Variants in RMDN2 observed in about 807,000 individuals in gnomAD.
The protein encoded by RMDN2 is regulator of microtubule dynamics 2.
In RMDN2, 61 loss-of-function variants were observed where a neutral mutation model predicts 52.8. The observed-to-expected ratio is 1.16, with a 90% CI of 0.94 to 1.43. The LOEUF is 1.43. RMDN2 is among the 40% of genes most tolerant of loss of function. The pLI is 0.00. For missense variants in RMDN2, 592 were observed against 475.3 expected (o/e 1.25, Z -2.28); for synonymous variants, 180 against 153.1 (o/e 1.18, Z -1.30).
At chr2:37,943,994 C>T (rs1011307264) in intron 2 of RMDN2, among the ~76,000 whole-genome samples, 1 of 152,042 alleles carries the variant, frequency 6.6e-6, no homozygotes, top group Non-Finnish European at 1.5e-5. Flanking sequence ...TTTTGTGTAA[C>T]TTCAGAGTTA....
At chr2:37,930,556 C>G (rs1178982768) in intron 2 of RMDN2, among the ~76,000 whole-genome samples, 1 of 152,152 alleles carries the variant, frequency 6.6e-6, no homozygotes, top group Non-Finnish European at 1.5e-5. Flanking sequence ...GGGCAGGGCG[C>G]AGGTGGGACA....
chr2:38,058,250 G>A (rs547393992), intron 10 of RMDN2, among the ~76,000 whole-genome samples: 3 of 152,218 alleles, frequency 2.0e-5, no homozygotes, highest in Non-Finnish European at 4.4e-5. Flanking sequence ...GCTAGGGAAG[G>A]GGGTGAAGGA....
At chr2:38,059,163 A>G (rs578043042) in intron 10 of RMDN2, among the ~76,000 whole-genome samples, 1 of 152,362 alleles carries the variant, frequency 6.6e-6, no homozygotes, top group East Asian at 1.9e-4. Flanking sequence ...TGTGGCTTCC[A>G]AGCACCTGAA....
At chr2:38,058,676 G>A (rs1015686187) in intron 10 of RMDN2, among the ~76,000 whole-genome samples, 1 of 152,130 alleles carries the variant, frequency 6.6e-6, no homozygotes, top group Non-Finnish European at 1.5e-5. Flanking sequence ...TTTTATCAAG[G>A]TGTTCGTTTT....
intron 2 of RMDN2, among the ~76,000 whole-genome samples, chr2:37,959,825 GC>G (rs1669968554): frequency 6.6e-6 from 1 of 151,042 alleles, no homozygotes; most frequent in Non-Finnish European, 1.5e-5. Flanking sequence ...CGTTAGCTGT[GC>G]CCCAGAGATT....
intron 2 of RMDN2, among the ~76,000 whole-genome samples, chr2:37,968,484 G>C (rs1221637043): frequency 6.7e-6 from 1 of 148,186 alleles, no homozygotes; most frequent in Non-Finnish European, 1.5e-5. Context: ...TTGTTTACTT[G>C]ATGTTTTCAT....
At chr2:38,022,438 G>C (rs532718664), downstream of RMDN2, among the ~76,000 whole-genome samples, 1 of 152,270 alleles carries the variant, frequency 6.6e-6, no homozygotes, top group Admixed American at 6.5e-5. Flanking sequence ...GTTCCTGCTA[G>C]ATCACGAAGT....
At chr2:37,939,881 A>C (rs1667631929) in intron 2 of RMDN2, among the ~76,000 whole-genome samples, 1 of 152,078 alleles carries the variant, frequency 6.6e-6, no homozygotes, top group South Asian at 2.1e-4. Flanking sequence ...GCCCATTTAC[A>C]TTTAAGGTTA....
chr2:37,946,864 T>C (rs1406476033), intron 2 of RMDN2, among the ~76,000 whole-genome samples: 1 of 152,126 alleles, frequency 6.6e-6, no homozygotes, highest in African/African-American at 2.4e-5. Context: ...GCAAATTATC[T>C]AGTGTTGCTA....
chr2:37,922,885 C>A (rs896455358), upstream of RMDN2, among the ~76,000 whole-genome samples: 1 of 152,150 alleles, frequency 6.6e-6, no homozygotes. Context: ...TGTGGAGAGA[C>A]GATCAGTAGC....
At chr2:37,982,914 A>G (rs1466682102) in intron 5 of RMDN2, among the ~76,000 whole-genome samples, 4 of 151,864 alleles carry the variant, frequency 2.6e-5, no homozygotes, top group South Asian at 2.1e-4. Context: ...ATCAAGCCCT[A>G]CTCTCTCTCT....
intron 4 of RMDN2, among the ~76,000 whole-genome samples, chr2:37,978,699 G>A (rs957518641): frequency 1.3e-5 from 2 of 152,210 alleles, no homozygotes; most frequent in South Asian, 2.1e-4. Context: ...GATCGTTTGA[G>A]TCCAAGAGAT....
At chr2:38,006,450 T>C (rs1181296987) in intron 10 of RMDN2, among the ~76,000 whole-genome samples, 5 of 152,236 alleles carry the variant, frequency 3.3e-5, no homozygotes, top group Non-Finnish European at 5.9e-5. Flanking sequence ...CTAGGTATTT[T>C]ATTCTCTTTG....
chr2:38,017,309 T>TTA lies in RMDN2; in HGVS notation c.*72_*73dup. 3 of 1,460,968 alleles carry TTA rather than the reference T, an allele frequency of 2.1e-6. No homozygotes were observed. Among genetic ancestry groups the TTA allele is most frequent in the Middle Eastern group, 1.8e-4 (1 of 5,586 alleles). 90.5% of individuals were successfully genotyped at this position (1,460,968 alleles called of 1,614,324 possible). A position where few individuals can be genotyped will look rare whatever the true frequency, so the allele number is the denominator to read the frequency against. ...ATTTAAATGAATCAAAGTTGTGCTT[T>TTA]TATTATCCTTCATTTTTGATGTAAG... On this transcript the variant is annotated 3_prime_UTR_variant, in exon 11 of 11. Transcript: ENST00000354545.
chr2:37,950,242 T>C, intron 2 of RMDN2: 1 of 427,428 alleles, frequency 2.3e-6, no homozygotes. Flanking sequence ...AGGTAAAGGA[T>C]TGTACAGCTG....
At chr2:37,996,506 C>T (rs1000428601) in intron 7 of RMDN2, among the ~76,000 whole-genome samples, 8 of 149,912 alleles carry the variant, frequency 5.3e-5, no homozygotes, top group African/African-American at 1.5e-4. Context: ...GATTGTTGAG[C>T]CCAGGAGGTC....
intron 7 of RMDN2, among the ~76,000 whole-genome samples, chr2:37,996,372 C>T (rs1037609948): frequency 1.3e-5 from 2 of 151,912 alleles, no homozygotes; most frequent in African/African-American, 2.4e-5. Flanking sequence ...ATCTCTTGAG[C>T]CCAGGAGTTC....
In RMDN2 at chr2:37,956,786, C is replaced by G. The variant is rs902735717; in HGVS notation, c.453-17254C>G. Among the ~76,000 whole-genome samples the G allele has an allele frequency of 2.0e-5, 3 of 151,848 alleles. No homozygotes were observed. The East Asian group carries it at 5.8e-4, about 29-fold the overall frequency. On this transcript the variant is annotated intron_variant, in intron 2 of 10. Coordinates refer to ENST00000354545, the MANE Select transcript of RMDN2 (RefSeq NM_001170791.3). ...CCCGTCATCTATGTTAGGTATTTGT[C>G]CTAACGCTACCCCTCCCCTTGCTCC... is the stretch of plus-strand genomic sequence containing the variant.
intron 2 of RMDN2, among the ~76,000 whole-genome samples, chr2:37,959,597 C>G (rs1669933335): frequency 6.6e-6 from 1 of 150,748 alleles, no homozygotes; most frequent in Non-Finnish European, 1.5e-5. Context: ...TTCAAAAAAC[C>G]AGCTCCTGGA....
Sources: allele counts gnomAD v4.1 joint callset (sites outside exome capture counted in the v4.1 genomes callset), GRCh38; gene constraint gnomAD v4.1.1; transcripts MANE v1.5; gene names NCBI Gene and HGNC (gene_info 2026-07-23, HGNC 2026-07-21).